NTM: variants seen among roughly 807,000 people sequenced by gnomAD.
NTM encodes the protein neurotrimin, also known as IgLON family member 2.
NTM carries 13 observed loss-of-function variants against 42.1 expected under a neutral mutation model. The observed-to-expected ratio is 0.31, with a 90% CI of 0.20 to 0.49. The LOEUF (loss-of-function observed/expected upper bound fraction) is 0.49. Ranked by LOEUF, NTM falls within the 20% of genes least tolerant of loss-of-function variation. The pLI is 0.99. For synonymous variants in NTM, 187 were observed against 179.2 expected, an observed-to-expected ratio of 1.04 and a Z score of -0.35; for missense variants, 373 against 452.8, an observed-to-expected ratio of 0.82 and a Z score of 1.60.
intron 1 of NTM, among the ~76,000 whole-genome samples, chr11:131,469,710 G>A (rs1052699924): frequency 6.6e-6 from 1 of 152,176 alleles, no homozygotes; most frequent in African/African-American, 2.4e-5. Context: ...TAGGTTACTT[G>A]AGCTTAGTTT....
chr11:131,864,161 A>T (rs1220249270), intron 1 of NTM, among the ~76,000 whole-genome samples: 1 of 152,182 alleles, frequency 6.6e-6, no homozygotes, highest in Non-Finnish European at 1.5e-5. Flanking sequence ...CTAATTTAGG[A>T]TGTTATATAT....
chr11:131,452,740 C>T (rs1950574477), intron 1 of NTM, among the ~76,000 whole-genome samples: 1 of 152,200 alleles, frequency 6.6e-6, no homozygotes, highest in Non-Finnish European at 1.5e-5. Flanking sequence ...TCTGAGATTC[C>T]TGAGAGCTCC....
chr11:132,310,267 C>T (rs1452163569), intron 6 of NTM, 35 bp downstream of exon 6: 3 of 1,537,894 alleles, frequency 2.0e-6, no homozygotes, highest in East Asian at 2.4e-5. Flanking sequence ...CACCCCTACC[C>T]CCATCTCCAG....
At chr11:131,935,858 C>A (rs980418576) in intron 2 of NTM, among the ~76,000 whole-genome samples, 4 of 152,188 alleles carry the variant, frequency 2.6e-5, no homozygotes, top group African/African-American at 7.2e-5. Flanking sequence ...AAGACAGTGG[C>A]AAATCTCACT....
chr11:131,399,987 A>G (rs952255241), intron 1 of NTM, among the ~76,000 whole-genome samples: 1 of 152,164 alleles, frequency 6.6e-6, no homozygotes. Context: ...ATGTATGAAA[A>G]TATCATTTTC....
At chr11:131,771,286 C>T in intron 1 of NTM, 1 of 152,120 alleles carries the variant, frequency 6.6e-6, no homozygotes, top group Non-Finnish European at 1.5e-5. Context: ...AAGTGTACTG[C>T]TGGATGGGAA....
At position 131,873,818 on chromosome 11, in the gene NTM, C is replaced by T. The variant is rs775961456; in HGVS notation, c.83-37746C>T. ...TGCTATCTCTCCCCTTGCCCCCATC[C>T]CCCAACAGGCCCCAGTGTGTGATAT... On this transcript the variant is annotated intron_variant, in intron 1 of 8. Transcript: ENST00000683400. Among the ~76,000 whole-genome samples, 221 of 141,740 alleles carry T rather than the reference C, an allele frequency of 1.6e-3. 2 individuals are homozygous for T. The highest frequency in any genetic ancestry group is 2.2e-3 in the South Asian group (10 of 4,588). The allele number at this position is 141,740 out of a possible 152,430, so 93.0% of individuals were successfully genotyped here.
At chr11:131,610,651 C>T (rs987591860) in intron 1 of NTM, among the ~76,000 whole-genome samples, 1 of 152,070 alleles carries the variant, frequency 6.6e-6, no homozygotes, top group African/African-American at 2.4e-5. Context: ...AGCTCCAGCC[C>T]CTGAGAAGTG....
intron 1 of NTM, among the ~76,000 whole-genome samples, chr11:131,519,805 T>C (rs1009384148): frequency 2.4e-3 from 332 of 139,548 alleles, no homozygotes; most frequent in African/African-American, 8.6e-3. Flanking sequence ...GGAGGCTGCA[T>C]CTTTAGTTTT....
At chr11:131,913,287 G>C (rs1036406354) in intron 2 of NTM, among the ~76,000 whole-genome samples, 21 of 152,206 alleles carry the variant, frequency 1.4e-4, no homozygotes, top group South Asian at 2.1e-4. Context: ...GGGCCTCCCA[G>C]GGACAGAGAC....
At chr11:131,454,190 T>A (rs1490102827) in intron 1 of NTM, among the ~76,000 whole-genome samples, 1 of 152,070 alleles carries the variant, frequency 6.6e-6, no homozygotes, top group African/African-American at 2.4e-5. Flanking sequence ...GACTATGTTA[T>A]AATCATTCTA....
intron 1 of NTM, among the ~76,000 whole-genome samples, chr11:131,767,588 T>C (rs2085320725): frequency 6.6e-6 from 1 of 151,688 alleles, no homozygotes; most frequent in African/African-American, 2.4e-5. Flanking sequence ...AAGACAGAGG[T>C]TAGAGCAATG....
chr11:131,494,114 C>A (rs925988730), intron 1 of NTM, among the ~76,000 whole-genome samples: 1 of 152,106 alleles, frequency 6.6e-6, no homozygotes, highest in Non-Finnish European at 1.5e-5. Flanking sequence ...TCTTATATAT[C>A]CTTTAAGGTT....
At chr11:131,876,633 T>G (rs2048577172) in intron 1 of NTM, among the ~76,000 whole-genome samples, 1 of 152,242 alleles carries the variant, frequency 6.6e-6, no homozygotes. Flanking sequence ...TTTCTCTTTG[T>G]GCAGTAGAAC....
chr11:132,098,626 G>A (rs1194899951), intron 2 of NTM, among the ~76,000 whole-genome samples: 1 of 152,216 alleles, frequency 6.6e-6, no homozygotes, highest in Non-Finnish European at 1.5e-5. Flanking sequence ...TCAACTCCAG[G>A]CAAGTCTGGC....
intron 1 of NTM, among the ~76,000 whole-genome samples, chr11:131,479,972 A>G (rs1225350673): frequency 1.3e-5 from 2 of 152,108 alleles, no homozygotes; most frequent in Non-Finnish European, 2.9e-5. Context: ...GATCAGTATT[A>G]CTGATTTTTC....
At chr11:131,479,800 G>A (rs539384709) in intron 1 of NTM, among the ~76,000 whole-genome samples, 6 of 152,132 alleles carry the variant, frequency 3.9e-5, no homozygotes, top group Admixed American at 2.6e-4. Flanking sequence ...GTGTGAGAAC[G>A]TCAGCACAGA....
intron 1 of NTM, among the ~76,000 whole-genome samples, chr11:131,870,338 C>G (rs996199898): frequency 6.6e-6 from 1 of 152,174 alleles, no homozygotes; most frequent in African/African-American, 2.4e-5. Context: ...AATACTATTG[C>G]AAATGAAATA....
chr11:132,201,192 C>T (rs2081102071), intron 3 of NTM, among the ~76,000 whole-genome samples: 1 of 152,136 alleles, frequency 6.6e-6, no homozygotes, highest in African/African-American at 2.4e-5. Context: ...CTGGAGCTGC[C>T]AGTGGCACCC....
Sources: gnomAD v4.1 joint callset for allele counts (sites outside exome capture counted in the v4.1 genomes callset) on GRCh38, gnomAD v4.1.1 for gene constraint, MANE v1.5 for transcripts, NCBI Gene and HGNC (gene_info 2026-07-23, HGNC 2026-07-21) for gene names.